Variants in MRPL34 observed in about 807,000 individuals in gnomAD.
MRPL34 encodes the protein large ribosomal subunit protein bL34m.
MRPL34 carries 8 observed loss-of-function variants against 6.7 expected under a neutral mutation model. The observed-to-expected ratio is 1.20, with a 90% CI of 0.70 to 2.16. The LOEUF is 2.16. MRPL34 is among the 30% of genes most tolerant of loss of function. The probability of loss-of-function intolerance (pLI) is 0.00; values close to 1 mark genes in which losing one functional copy is unlikely to be tolerated. For missense variants in MRPL34, 146 were observed against 125.5 expected, an observed-to-expected ratio of 1.16 and a Z score of -0.78; for synonymous variants, 59 against 55.1, an observed-to-expected ratio of 1.07 and a Z score of -0.31.
upstream of MRPL34, chr19:17,300,921 C>T (rs759594879): frequency 3.7e-6 from 6 of 1,611,434 alleles, no homozygotes; most frequent in Non-Finnish European, 5.1e-6. Context: ...CTCGCATGTC[C>T]TCAGCCAGCG....
upstream of MRPL34, chr19:17,301,648 T>C: frequency 1.3e-6 from 2 of 1,513,638 alleles, no homozygotes; most frequent in Non-Finnish European, 1.8e-6. Context: ...CAGCAGCCAG[T>C]TCAGGTGCTG....
At chr19:17,301,022 C>T (rs771338692), upstream of MRPL34, 4 of 1,613,394 alleles carry the variant, frequency 2.5e-6, no homozygotes, top group East Asian at 2.2e-5. Flanking sequence ...CCTAGGCGCA[C>T]AAAGAAGTCC....
intron 1 of MRPL34, chr19:17,294,400 T>C: frequency 6.2e-7 from 1 of 1,614,060 alleles, no homozygotes; most frequent in Middle Eastern, 1.7e-4. Flanking sequence ...CTCGGGCCAG[T>C]ACTGGCCGCT....
Position 17,306,363 on chromosome 19 carries a change from A to G in MRPL34, c.263A>G (p.Lys88Arg). 6.2e-7 allele frequency: 1 copy of G among 1,602,342 alleles called. No individual in the cohort carries two copies. The highest frequency in any genetic ancestry group is 8.5e-7 in the Non-Finnish European group (1 of 1,176,004). Residue 88 changes from lysine to arginine, a missense_variant, in exon 2 of 2, where the codon AAG becomes AGG. By Grantham distance (26) the Lys-to-Arg change is conservative. Transcript: ENST00000252602. ...CTTCGCCGAATGCTCAAGGGCCGCAAGTCGCTGAGCCATTGAGGATCGCGA... is the reference window on the plus strand; with the variant it reads ...CTTCGCCGAATGCTCAAGGGCCGCAGGTCGCTGAGCCATTGAGGATCGCGA... ...VILRRMLKGR[K>R]SLSH
At chr19:17,299,355 A>T (rs1420391070), upstream of MRPL34, among the ~76,000 whole-genome samples, 1 of 151,362 alleles carries the variant, frequency 6.6e-6, no homozygotes, top group African/African-American at 2.4e-5. Context: ...AGGTCAGGAG[A>T]TCGAGACCAT....
At chr19:17,293,510 T>G (rs1417070112) in intron 1 of MRPL34, among the ~76,000 whole-genome samples, 1 of 151,776 alleles carries the variant, frequency 6.6e-6, no homozygotes, top group African/African-American at 2.4e-5. Context: ...GGGGCTGCTA[T>G]CCTGTGCATT....
intron 1 of MRPL34, 100 bp from the exon 2 acceptor site, chr19:17,306,066 A>C (rs911855290): frequency 3.9e-6 from 6 of 1,533,448 alleles, no homozygotes; most frequent in Non-Finnish European, 5.3e-6. Context: ...CGCATTTTGC[A>C]GCCAGGCTCT....
Position 17,306,197 on chromosome 19 carries a change from C to T in MRPL34, c.97C>T (p.Pro33Ser). ...CCAGCCCCGGGCCTGGCTGGGGTTC[C>T]CAGACGCCTGGGGCCTCCCCACCCC... ...WLQPRAWLGF[P>S]DAWGLPTPQQ... The change falls in exon 2 of 2, where the codon CCA becomes TCA. Residue 33 changes from proline (P) to serine (S), a missense_variant. Physicochemically the swap from Pro to Ser is moderately conservative, Grantham distance 74. Coordinates refer to ENST00000252602, the MANE Select transcript of MRPL34 (RefSeq NM_023937.4). 1 of 1,546,944 alleles carries T rather than the reference C, an allele frequency of 6.5e-7. No individual in the cohort carries two copies. Among genetic ancestry groups the T allele is most frequent in the Non-Finnish European group, 8.7e-7 (1 of 1,147,282 alleles).
upstream of MRPL34, among the ~76,000 whole-genome samples, chr19:17,298,735 CTTTTTTTTTTTT>C (rs34731394): frequency 4.3e-5 from 3 of 70,422 alleles, no homozygotes; most frequent in African/African-American, 1.8e-4. Context: ...AACAACACTG[CTTTTTTTTTTTT>C]TTTTTTTTTT....
chr19:17,303,330 G>A (rs903106178), upstream of MRPL34: 4 of 152,308 alleles, frequency 2.6e-5, no homozygotes, highest in African/African-American at 9.6e-5. Context: ...TTACATGGTG[G>A]CGCGGGGTCA....
At chr19:17,294,225 A>G (rs1294391755) in intron 1 of MRPL34, 29 of 1,552,844 alleles carry the variant, frequency 1.9e-5, no homozygotes, top group Non-Finnish European at 2.3e-5. Context: ...CGCAGAGGCC[A>G]CGCCCCTCCC....
At chr19:17,305,859 G>A, upstream of MRPL34, 1 of 1,606,976 alleles carries the variant, frequency 6.2e-7, no homozygotes, top group Non-Finnish European at 8.5e-7. Flanking sequence ...CTCCGGAATC[G>A]CCCGCAGCCG....
chr19:17,300,250 G>A (rs2074111404), upstream of MRPL34, among the ~76,000 whole-genome samples: 1 of 151,868 alleles, frequency 6.6e-6, no homozygotes, highest in South Asian at 2.1e-4. Flanking sequence ...ATGCTGCCCA[G>A]GCTGGAGTGC....
chr19:17,301,934 T>C (rs1374435720), upstream of MRPL34, among the ~76,000 whole-genome samples: 1 of 152,064 alleles, frequency 6.6e-6, no homozygotes, highest in South Asian at 2.1e-4. Flanking sequence ...GCTGGGATTA[T>C]AGGCAGGTGC....
In MRPL34 at chr19:17,306,484, C is replaced by G. The variant is rs1044076185; in HGVS notation, c.*105C>G. The G allele has an allele frequency of 1.0e-4, 106 of 1,011,116 alleles. No individual in the cohort carries two copies. Among genetic ancestry groups the G allele is most frequent in the East Asian group, 2.7e-4 (10 of 37,586 alleles). 62.6% of individuals were successfully genotyped at this position (1,011,116 alleles called of 1,614,324 possible). A position where few individuals can be genotyped will look rare whatever the true frequency, so the allele number is the denominator to read the frequency against. On this transcript the variant is annotated 3_prime_UTR_variant, in exon 2 of 2. Coordinates refer to ENST00000252602, the MANE Select transcript of MRPL34 (RefSeq NM_023937.4). ...AGCTGGGGAGCAGGAACGCCTCGGA[C>G]CTGAGTGCTCTCCATATTGTGGGGT... is the stretch of plus-strand genomic sequence containing the variant.
intron 1 of MRPL34, among the ~76,000 whole-genome samples, chr19:17,295,652 C>T (rs377766982): frequency 1.4e-4 from 21 of 152,030 alleles, no homozygotes; most frequent in African/African-American, 4.6e-4. Context: ...AAGTGATCCA[C>T]CCACCTTGGC....
chr19:17,293,934 T>C (rs2074081855), intron 1 of MRPL34, among the ~76,000 whole-genome samples: 1 of 152,108 alleles, frequency 6.6e-6, no homozygotes, highest in Non-Finnish European at 1.5e-5. Flanking sequence ...GAGTTTCTAA[T>C]CTAAAGATCC....
rs183192908 is a variant in MRPL34, at chr19:17,295,365, C to T, written c.214+2511C>T. ...CAAGTGATCCATCCGCCTCGGCCTC[C>T]CAAAGTGCTGGGATTACAGGCCTGA... On this transcript the variant is annotated intron_variant, in intron 1 of 2. Coordinates refer to the MRPL34 transcript ENST00000595444. Among the ~76,000 whole-genome samples, 84 of 152,202 alleles carry T rather than the reference C, an allele frequency of 5.5e-4. 1 individual carries two copies. In the East Asian group the frequency reaches 0.014, roughly 25 times the overall value.
At chr19:17,295,126 T>G (rs1267900279) in intron 1 of MRPL34, among the ~76,000 whole-genome samples, 58 of 111,546 alleles carry the variant, frequency 5.2e-4, no homozygotes, top group African/African-American at 2.1e-3. Context: ...TGAGACGGAG[T>G]CTCGCTCTGT....
Sources: gnomAD v4.1 joint callset for allele counts (sites outside exome capture counted in the v4.1 genomes callset) on GRCh38, gnomAD v4.1.1 for gene constraint, MANE v1.5 for transcripts, NCBI Gene and HGNC (gene_info 2026-07-23, HGNC 2026-07-21) for gene names.